Variants in C2CD3 observed in about 807,000 individuals in gnomAD.
The protein encoded by C2CD3 is C2 domain containing 3 centriole elongation regulator.
In C2CD3, 148 loss-of-function variants were observed where a neutral mutation model predicts 234.0. That is an observed-to-expected ratio of 0.63 (90% CI 0.55 to 0.72). The LOEUF is 0.72. C2CD3 is among the 30% of genes least tolerant of loss of function. The pLI is 0.00. For synonymous variants in C2CD3, 1,000 were observed against 1,035.4 expected (o/e 0.97, Z 0.66); for missense variants, 2,577 against 2,811.5 (o/e 0.92, Z 1.89).
chr11:74,060,946 T>C (rs1954208574), intron 24 of C2CD3, among the ~76,000 whole-genome samples: 1 of 152,188 alleles, frequency 6.6e-6, no homozygotes, highest in Non-Finnish European at 1.5e-5. Flanking sequence ...CTGATGGAGC[T>C]GAAAACCATG....
chr11:74,103,403 A>T lies in C2CD3; in HGVS notation c.2308T>A (p.Ser770Thr). Residue 770 changes from serine to threonine, a missense_variant, in exon 14 of 33, where the codon TCA (serine) becomes ACA (threonine). Coordinates refer to ENST00000334126, the MANE Select transcript of C2CD3 (RefSeq NM_001286577.2). ...AQNLVLPNRK[S>T]PSPVAPHPST... The stretch of plus-strand genomic sequence containing the variant: ...GGATGTGGTGCTACAGGGCTTGGTG[A>T]CTTTCGGTTGGGGAGCACCAAGTTC... The T allele has an allele frequency of 6.2e-7, 1 of 1,614,162 alleles. No homozygotes were observed. Among genetic ancestry groups the T allele is most frequent in the Non-Finnish European group, 8.5e-7 (1 of 1,180,030 alleles).
Position 74,037,692 on chromosome 11 carries a change from A to T in C2CD3, c.5667T>A (p.Asn1889Lys). 1 of 1,612,572 alleles carries T rather than the reference A, an allele frequency of 6.2e-7. No homozygotes were observed. The change falls in exon 30 of 33, where the codon AAT (asparagine) becomes AAA (lysine). Residue 1889 changes from asparagine (N) to lysine (K), a missense_variant. Coordinates refer to ENST00000334126, the MANE Select transcript of C2CD3 (RefSeq NM_001286577.2). ...QTSILTSLRK[N>K]LSELDQIQRY... ...TCTGAATCTGATCAAGCTCACTCAG[A>T]TTCTTCCTATAAACAAAAGGGGGAG...
chr11:74,151,158 T>C (rs1855625302), intron 3 of C2CD3, among the ~76,000 whole-genome samples: 1 of 152,118 alleles, frequency 6.6e-6, no homozygotes, highest in African/African-American at 2.4e-5. Flanking sequence ...ACTCCTGACC[T>C]GGTGATCCGC....
intron 30 of C2CD3, chr11:74,034,755 C>T (rs1952659119): frequency 1.4e-6 from 1 of 733,746 alleles, no homozygotes; most frequent in South Asian, 1.6e-5. Context: ...AAAATAGAAG[C>T]AGCAAGGTAT....
At chr11:74,153,109 T>A (rs976119889) in intron 3 of C2CD3, among the ~76,000 whole-genome samples, 7 of 152,090 alleles carry the variant, frequency 4.6e-5, no homozygotes, top group African/African-American at 1.4e-4. Context: ...TCTTATTTAC[T>A]CAGAAGGCTG....
chr11:74,027,979 G>C (rs1380168294), intron 32 of C2CD3, among the ~76,000 whole-genome samples: 1 of 152,064 alleles, frequency 6.6e-6, no homozygotes, highest in Non-Finnish European at 1.5e-5. Flanking sequence ...CTGCTTGGTG[G>C]GGACTCCCAC....
rs533591693 is a variant in C2CD3, at chr11:74,153,031, G to C, written c.483+8368C>G. Reference sequence around the variant, plus strand: ...GCTTGAGGCCAGGAGTTTGAGACCAGCCAGCCAACATAGCGAAACCCTGTC... The same window carrying C: ...GCTTGAGGCCAGGAGTTTGAGACCACCCAGCCAACATAGCGAAACCCTGTC... On this transcript the variant is annotated intron_variant, in intron 3 of 32. Transcript: ENST00000334126. Among the ~76,000 whole-genome samples, 4 of 152,196 alleles carry C rather than the reference G, an allele frequency of 2.6e-5. No homozygotes were observed. In the South Asian group the frequency reaches 8.3e-4, roughly 32 times the overall value.
At chr11:74,057,648 G>T in intron 24 of C2CD3, 104 bp from the exon 25 acceptor site, 1 of 1,198,970 alleles carries the variant, frequency 8.3e-7, no homozygotes, top group Non-Finnish European at 1.2e-6. Context: ...TTCCTATGGG[G>T]TCTTTGCTCA....
chr11:74,154,536 A>C (rs1158332118), intron 3 of C2CD3, among the ~76,000 whole-genome samples: 1 of 152,228 alleles, frequency 6.6e-6, no homozygotes, highest in Non-Finnish European at 1.5e-5. Context: ...AAAAAAGATA[A>C]GCTTATTTTT....
At chr11:74,128,684 A>G (rs1295856952) in intron 7 of C2CD3, 1 of 151,556 alleles carries the variant, frequency 6.6e-6, no homozygotes, top group African/African-American at 2.4e-5. Flanking sequence ...TAGGCAGAGG[A>G]CCCTGCGGCC....
intron 5 of C2CD3, among the ~76,000 whole-genome samples, chr11:74,133,827 T>C (rs1957763942): frequency 6.6e-6 from 1 of 152,224 alleles, no homozygotes; most frequent in South Asian, 2.1e-4. Context: ...GGGGTTGTTA[T>C]ATCCATATAC....
chr11:74,140,959 AAT>A (rs1958030780), intron 3 of C2CD3, among the ~76,000 whole-genome samples: 1 of 152,172 alleles, frequency 6.6e-6, no homozygotes, highest in African/African-American at 2.4e-5. Flanking sequence ...CTAATGGAGG[AAT>A]GAAAAATAAA....
intron 1 of C2CD3, 61 bp downstream of exon 1, chr11:74,170,677 A>AT: frequency 1.9e-6 from 3 of 1,598,336 alleles, no homozygotes; most frequent in Non-Finnish European, 2.6e-6. Context: ...GGGTCTCCCT[A>AT]AAATTCCTTA....
Position 74,132,862 on chromosome 11 carries a change from A to G in C2CD3, c.1199T>C (p.Ile400Thr). The change falls in exon 7 of 33, where the codon ATA (isoleucine) becomes ACA (threonine). Residue 400 changes from isoleucine (I) to threonine (T), a missense_variant. By Grantham distance (89) the Ile-to-Thr change is moderately conservative. Coordinates refer to ENST00000334126, the MANE Select transcript of C2CD3 (RefSeq NM_001286577.2). The part of the protein sequence containing the change: ...RHDTKADTRA[I>T]QLLLGSAELS... The stretch of plus-strand genomic sequence containing the variant: ...TGCTTACCTGCCTAATAGCAGCTGT[A>G]TAGCTCTGGTATCAGCTTTTGTGTC... 1 of 1,613,848 alleles carries G rather than the reference A, an allele frequency of 6.2e-7. No individual in the cohort carries two copies. The highest frequency in any genetic ancestry group is 1.1e-5 in the South Asian group (1 of 91,060).
At chr11:74,162,543 T>A (rs886876457) in intron 2 of C2CD3, among the ~76,000 whole-genome samples, 1 of 152,180 alleles carries the variant, frequency 6.6e-6, no homozygotes, top group African/African-American at 2.4e-5. Flanking sequence ...GAAAAAGTAA[T>A]TTAACTTAAA....
At chr11:74,053,324 C>T in intron 26 of C2CD3, among the ~76,000 whole-genome samples, 1 of 152,222 alleles carries the variant, frequency 6.6e-6, no homozygotes, top group South Asian at 2.1e-4. Flanking sequence ...TACTAAGTGT[C>T]AGGCCCTTAC....
At chr11:74,091,177 A>C (rs926914868) in intron 19 of C2CD3, 1 of 389,924 alleles carries the variant, frequency 2.6e-6, no homozygotes, top group Non-Finnish European at 4.6e-6. Flanking sequence ...TTCCTTGCCA[A>C]GATTACACAA....
chr11:74,016,970 G>A (rs542417737), intron 32 of C2CD3, among the ~76,000 whole-genome samples: 22 of 152,312 alleles, frequency 1.4e-4, no homozygotes, highest in Admixed American at 1.2e-3. Context: ...AGTCCCTGGA[G>A]CGGGAACTTA....
At chr11:74,168,683 G>A (rs1190579169) in intron 1 of C2CD3, 70 bp from the exon 2 acceptor site, 2 of 1,388,024 alleles carry the variant, frequency 1.4e-6, no homozygotes, top group African/African-American at 2.9e-5. Context: ...TATGCTTTTT[G>A]AATGAAAACA....
Sources: gnomAD v4.1 joint callset for allele counts (sites outside exome capture counted in the v4.1 genomes callset) on GRCh38, gnomAD v4.1.1 for gene constraint, MANE v1.5 for transcripts, NCBI Gene and HGNC (gene_info 2026-07-23, HGNC 2026-07-21) for gene names.